Variants in AXL observed in about 807,000 individuals in gnomAD.
AXL encodes AXL receptor tyrosine kinase, also known as tyrosine-protein kinase receptor UFO.
In AXL, 52 loss-of-function variants were observed where a neutral mutation model predicts 104.5. The ratio of observed to expected loss-of-function variants is 0.50; its 90% CI spans 0.40 to 0.63. The LOEUF (loss-of-function observed/expected upper bound fraction) is 0.63, where lower values mean the gene tolerates loss of function less well. Ranked by LOEUF, AXL falls within the 20% of genes least tolerant of loss-of-function variation. AXL has a pLI of 0.00. For synonymous variants in AXL, 455 were observed against 473.7 expected (o/e 0.96, Z 0.51); for missense variants, 1,024 against 1,188.5 (o/e 0.86, Z 2.04).
Position 41,259,624 on chromosome 19 carries a change from A to G in AXL, c.2405A>G (p.Asp802Gly). 6.2e-7 allele frequency: 1 copy of G among 1,613,894 alleles called. No homozygotes were observed. Among genetic ancestry groups the G allele is most frequent in the East Asian group, 2.2e-5 (1 of 44,872 alleles). Residue 802 changes from aspartate (D) to glycine (G), a missense_variant, in exon 20 of 20, where the codon GAT becomes GGT. Coordinates refer to ENST00000301178, the MANE Select transcript of AXL (RefSeq NM_021913.5). ...DRPSFTELREDLENTLKALPP... is the reference protein window; with the variant it reads ...DRPSFTELREGLENTLKALPP... ...CCAAGTTTTACAGAGCTGCGGGAAG[A>G]TTTGGAGAACACACTGAAGGCCTTG...
Position 41,243,618 on chromosome 19 carries a change from A to G in AXL, c.1448A>G (p.Glu483Gly), listed in dbSNP as rs1398589583. The change falls in exon 12 of 20, where the codon GAA (glutamate) becomes GGA (glycine). Residue 483 changes from glutamate to glycine, a missense_variant and splice_region_variant. Glu to Gly is a moderately conservative substitution (Grantham distance 98). This residue lies in a region of AXL where 523 missense variants were observed against 636.0 expected (regional missense o/e 0.82). Transcript: ENST00000301178. Reference protein sequence around the residue: ...HRRKKETRYGEVFEPTVERGE... With the variant: ...HRRKKETRYGGVFEPTVERGE... ...CACCTACTCCCCCTCCCCCCCAGAG[A>G]AGTGTTTGAACCAACAGTGGAAAGA... 1 of 1,609,492 alleles carries G rather than the reference A, an allele frequency of 6.2e-7. No individual in the cohort carries two copies. The highest frequency in any genetic ancestry group is 8.5e-7 in the Non-Finnish European group (1 of 1,176,002).
At position 41,261,547 on chromosome 19, in the gene AXL, C is replaced by T. The variant is rs1051040; in HGVS notation, c.*1643C>T. 1.3e-5 allele frequency: 2 copies of T among 152,544 alleles called. No homozygotes were observed. The highest frequency in any genetic ancestry group is 4.1e-4 in the South Asian group (2 of 4,836). 9.4% of individuals were successfully genotyped at this position (152,544 alleles called of 1,614,324 possible). A position where few individuals can be genotyped will look rare whatever the true frequency, so the allele number is the denominator to read the frequency against. On this transcript the variant is annotated 3_prime_UTR_variant, in exon 20 of 20. Transcript: ENST00000301178. Reference sequence around the variant, plus strand: ...TATTCTTTGGGGTGCCCCTCTCCTTCTTAGCTATCATTGCTTCCTCCTCCC... The same window carrying T: ...TATTCTTTGGGGTGCCCCTCTCCTTTTTAGCTATCATTGCTTCCTCCTCCC...
chr19:41,238,848 A>G (rs1382705128), intron 8 of AXL, among the ~76,000 whole-genome samples: 1 of 152,062 alleles, frequency 6.6e-6, no homozygotes, highest in African/African-American at 2.4e-5. Flanking sequence ...CATATTTACT[A>G]TATAACGATT....
intron 6 of AXL, 29 bp from the exon 7 acceptor site, chr19:41,237,915 C>T: frequency 6.2e-7 from 1 of 1,601,366 alleles, no homozygotes; most frequent in Non-Finnish European, 8.6e-7. Context: ...GCTTGGCTGT[C>T]CCGTCCTCAC....
At position 41,246,444 on chromosome 19, in the gene AXL, C is replaced by CAA. The variant is rs147904229; in HGVS notation, c.1538-2057_1538-2056dup. Among the ~76,000 whole-genome samples the CAA allele has an allele frequency of 1.1e-3, 140 of 122,474 alleles. 2 individuals are homozygous for CAA. In the East Asian group the frequency reaches 0.026, roughly 23 times the overall value. 80.3% of individuals were successfully genotyped at this position (122,474 alleles called of 152,430 possible). A position where few individuals can be genotyped will look rare whatever the true frequency, so the allele number is the denominator to read the frequency against. ...CCTGGGCAACAGAGTGAGACTGTCT[C>CAA]AAAAAAAAAAAAAATTAAATAAACC... On this transcript the variant is annotated intron_variant, in intron 12 of 19. Transcript: ENST00000301178.
chr19:41,247,794 A>G lies in AXL; in HGVS notation c.1538-720A>G, dbSNP rs189107784. Among the ~76,000 whole-genome samples the G allele has an allele frequency of 4.2e-3, 633 of 152,172 alleles. 6 individuals carry two copies. Among genetic ancestry groups the G allele is most frequent in the African/African-American group, 0.014 (593 of 41,506 alleles). On this transcript the variant is annotated intron_variant, in intron 12 of 19. Transcript: ENST00000301178. ...GAGACGGGGATTCGCCATGTTGCCC[A>G]GGCTGGTTTTGAATTCCTGGACTCA...
intron 3 of AXL, chr19:41,221,648 G>C: frequency 1.8e-6 from 1 of 554,344 alleles, no homozygotes; most frequent in Non-Finnish European, 3.2e-6. Context: ...AGACATTCTG[G>C]AAGAGAGACA....
chr19:41,249,917 A>G (rs2034334669), intron 14 of AXL, among the ~76,000 whole-genome samples: 1 of 152,112 alleles, frequency 6.6e-6, no homozygotes, highest in African/African-American at 2.4e-5. Context: ...GGCAAATCCC[A>G]AGAGGAAACC....
At chr19:41,257,423 C>CCAGGTACAATGTGTACCCA in intron 18 of AXL, 70 bp from the exon 19 acceptor site, 2 of 1,597,488 alleles carry the variant, frequency 1.3e-6, no homozygotes, top group South Asian at 2.2e-5. Context: ...TGGGTGTACC[C>CCAGGTACAATGTGTACCCA]ATGAACCTGG....
At chr19:41,221,290 G>A (rs2033786806) in intron 3 of AXL, 44 bp downstream of exon 3, 1 of 1,563,972 alleles carries the variant, frequency 6.4e-7, no homozygotes. Flanking sequence ...GAGGACATGT[G>A]GCGCTCATAG....
In AXL at chr19:41,221,262, A is replaced by T; in HGVS notation, c.409+16A>T. On this transcript the variant is annotated intron_variant, in intron 3 of 19. Coordinates refer to ENST00000301178, the MANE Select transcript of AXL (RefSeq NM_021913.5). ...GGGCTGGAGGGTGAGCTCTGGGGTC[A>T]GGGGTCCTGAGGGGTCAGAGGACAT... 1 of 1,603,938 alleles carries T rather than the reference A, an allele frequency of 6.2e-7. No individual in the cohort carries two copies. The highest frequency in any genetic ancestry group is 8.5e-7 in the Non-Finnish European group (1 of 1,173,672).
chr19:41,243,748 A>T, intron 12 of AXL, 41 bp downstream of exon 12: 1 of 1,560,540 alleles, frequency 6.4e-7, no homozygotes. Context: ...CCTGGATCTA[A>T]AGGCTGTAGA....
At position 41,221,500 on chromosome 19, in the gene AXL, G is replaced by A. The variant is rs567251993; in HGVS notation, c.409+254G>A. 5 of 514,138 alleles carry A rather than the reference G, an allele frequency of 9.7e-6. No individual in the cohort carries two copies. In the East Asian group the frequency reaches 1.4e-4, roughly 14 times the overall value. The allele number at this position is 514,138 out of a possible 1,614,324, so 31.8% of individuals were successfully genotyped here. On this transcript the variant is annotated intron_variant, in intron 3 of 19. Transcript: ENST00000301178. ...TTCTTGGGGGTAGTTGGATGTCCTAGGCATCAGACACCATCAGGTCACAGG... is the reference window on the plus strand; with the variant it reads ...TTCTTGGGGGTAGTTGGATGTCCTAAGCATCAGACACCATCAGGTCACAGG...
intron 14 of AXL, among the ~76,000 whole-genome samples, chr19:41,251,974 G>T (rs999220115): frequency 1.1e-4 from 17 of 150,638 alleles, no homozygotes; most frequent in African/African-American, 4.1e-4. Context: ...TTAGCCGGGT[G>T]TGGTGGCACA....
chr19:41,252,133 A>G (rs1388029998), intron 14 of AXL, among the ~76,000 whole-genome samples: 1 of 143,920 alleles, frequency 6.9e-6, no homozygotes, highest in Non-Finnish European at 1.5e-5. Flanking sequence ...AAAAAAGAAA[A>G]TATATATTTT....
intron 15 of AXL, 104 bp downstream of exon 15, chr19:41,252,547 T>C: frequency 2.3e-6 from 3 of 1,316,280 alleles, no homozygotes; most frequent in Non-Finnish European, 3.2e-6. Context: ...CCAGGCTTCC[T>C]GCTCCCCGCT....
chr19:41,255,901 C>G (rs1197077258), intron 17 of AXL, among the ~76,000 whole-genome samples: 1 of 152,252 alleles, frequency 6.6e-6, no homozygotes, highest in East Asian at 1.9e-4. Flanking sequence ...TGCACCAACA[C>G]ACCTGGCTAA....
intron 10 of AXL, among the ~76,000 whole-genome samples, chr19:41,241,595 G>GAAAAA (rs1199416751): frequency 6.8e-6 from 1 of 146,294 alleles, no homozygotes; most frequent in East Asian, 2.0e-4. Context: ...AAAAGAAAAA[G>GAAAAA]AAAAGAAAAA....
chr19:41,248,919 T>C (rs2034316044), intron 14 of AXL, 99 bp downstream of exon 14: 1 of 1,292,294 alleles, frequency 7.7e-7, no homozygotes, highest in African/African-American at 1.5e-5. Flanking sequence ...ACTTCTGGTG[T>C]TTCCAGATAG....
Sources: gnomAD v4.1 joint callset for allele counts (sites outside exome capture counted in the v4.1 genomes callset) on GRCh38, gnomAD v4.1.1 for gene constraint, gnomAD v4.1.1 regional missense constraint, MANE v1.5 for transcripts, NCBI Gene and HGNC (gene_info 2026-07-23, HGNC 2026-07-21) for gene names.